EPHA3: variants seen among roughly 807,000 people sequenced by gnomAD.
The protein encoded by EPHA3 is EPH receptor A3.
A neutral mutation model predicts 107.1 loss-of-function variants in EPHA3; 42 were observed. That is an observed-to-expected ratio of 0.39 (90% confidence interval 0.31 to 0.51). EPHA3 has a LOEUF of 0.51. Among genes scored for constraint, EPHA3 ranks in the 20% least tolerant of loss-of-function variants. The pLI is 0.78. For missense variants in EPHA3, 1,183 were observed against 1,211.2 expected, an observed-to-expected ratio of 0.98 and a Z score of 0.35; for synonymous variants, 461 against 424.8, an observed-to-expected ratio of 1.09 and a Z score of -1.05.
chr3:89,219,551 G>A (rs1250926604), intron 3 of EPHA3, among the ~76,000 whole-genome samples: 2 of 151,664 alleles, frequency 1.3e-5, no homozygotes, highest in Admixed American at 1.3e-4. Flanking sequence ...CTGCCCTCAA[G>A]GAACTTAGAT....
At chr3:89,376,348 T>C (rs1251188814) in intron 5 of EPHA3, among the ~76,000 whole-genome samples, 2 of 151,712 alleles carry the variant, frequency 1.3e-5, no homozygotes, top group African/African-American at 2.4e-5. Flanking sequence ...TATAAATATA[T>C]ATATATACAC....
In EPHA3 at chr3:89,413,146, C is replaced by T. The variant is rs567496673; in HGVS notation, c.1768C>T (p.Leu590Phe). ...RLHFGNGHLKLPGLRTYVDPH... is the reference protein window; with the variant it reads ...RLHFGNGHLKFPGLRTYVDPH... ...TTCTTTCTTTCCTCAAACAGTAAAA[C>T]TTCCAGGTCTCAGGACTTATGTTGA... The change falls in exon 10 of 17, where the codon CTT becomes TTT. Residue 590 changes from leucine to phenylalanine, a missense_variant. Leu to Phe is a conservative substitution (Grantham distance 22). Coordinates refer to ENST00000336596, the MANE Select transcript of EPHA3 (RefSeq NM_005233.6). 6.3e-5 allele frequency: 102 copies of T among 1,610,854 alleles called. No individual in the cohort carries two copies. Among genetic ancestry groups the T allele is most frequent in the Middle Eastern group, 1.7e-4 (1 of 6,042 alleles).
chr3:89,358,505 G>A (rs1216725792), intron 5 of EPHA3, among the ~76,000 whole-genome samples: 3 of 151,140 alleles, frequency 2.0e-5, no homozygotes, highest in African/African-American at 4.8e-5. Context: ...TGATTAAGAT[G>A]TAGTCACTAC....
intron 10 of EPHA3, among the ~76,000 whole-genome samples, chr3:89,415,085 T>A (rs1709220753): frequency 6.6e-6 from 1 of 151,518 alleles, no homozygotes; most frequent in East Asian, 1.9e-4. Flanking sequence ...CACACCCAAT[T>A]CTAGACTGCC....
intron 2 of EPHA3, among the ~76,000 whole-genome samples, chr3:89,187,710 G>A (rs1485927733): frequency 6.6e-6 from 1 of 152,066 alleles, no homozygotes; most frequent in Non-Finnish European, 1.5e-5. Context: ...GCGAGAGTGT[G>A]TGTATGTATA....
chr3:89,226,153 C>T (rs138479005), intron 3 of EPHA3, among the ~76,000 whole-genome samples: 1 of 152,078 alleles, frequency 6.6e-6, no homozygotes, highest in Non-Finnish European at 1.5e-5. Flanking sequence ...AATCAGAGGT[C>T]CTCAGGGTTT....
intron 3 of EPHA3, among the ~76,000 whole-genome samples, chr3:89,291,013 T>C (rs1156635602): frequency 6.6e-6 from 1 of 152,154 alleles, no homozygotes; most frequent in Non-Finnish European, 1.5e-5. Context: ...TCAAATCACT[T>C]GGATGACTGG....
At chr3:89,161,518 CT>C (rs1195308947) in intron 2 of EPHA3, among the ~76,000 whole-genome samples, 1 of 151,852 alleles carries the variant, frequency 6.6e-6, no homozygotes. Flanking sequence ...CTTCCTTGTT[CT>C]TTATTTTTAT....
At chr3:89,112,356 G>A (rs1054247508) in intron 1 of EPHA3, among the ~76,000 whole-genome samples, 6 of 151,814 alleles carry the variant, frequency 4.0e-5, no homozygotes, top group East Asian at 3.9e-4. Flanking sequence ...GTAATCTCAC[G>A]TTGCTCTTAA....
intron 3 of EPHA3, among the ~76,000 whole-genome samples, chr3:89,243,438 A>G (rs1002301667): frequency 6.6e-6 from 1 of 152,100 alleles, no homozygotes; most frequent in East Asian, 1.9e-4. Context: ...CTTTTTAATG[A>G]TCGCCATTCT....
At chr3:89,235,720 C>A (rs570939125) in intron 3 of EPHA3, among the ~76,000 whole-genome samples, 200 of 151,858 alleles carry the variant, frequency 1.3e-3, no homozygotes, top group Non-Finnish European at 2.3e-3. Flanking sequence ...TTTATCATTT[C>A]TCTTTTAGGA....
chr3:89,348,464 C>A (rs1315783668), intron 5 of EPHA3, among the ~76,000 whole-genome samples: 1 of 106,358 alleles, frequency 9.4e-6, no homozygotes, highest in Non-Finnish European at 1.8e-5. Flanking sequence ...TGGTGATATC[C>A]CCTTTATCAT....
intron 2 of EPHA3, among the ~76,000 whole-genome samples, chr3:89,200,375 T>C (rs1705942146): frequency 6.6e-6 from 1 of 152,246 alleles, no homozygotes; most frequent in Non-Finnish European, 1.5e-5. Context: ...CACATGTAGA[T>C]ATTCACTGTG....
chr3:89,245,262 A>C (rs976265127), intron 3 of EPHA3, among the ~76,000 whole-genome samples: 7 of 152,214 alleles, frequency 4.6e-5, no homozygotes, highest in Admixed American at 2.6e-4. Flanking sequence ...ATATTGTTAA[A>C]TTCTAGAATT....
intron 3 of EPHA3, among the ~76,000 whole-genome samples, chr3:89,245,748 C>G (rs546819629): frequency 2.8e-4 from 43 of 152,294 alleles, no homozygotes; most frequent in Non-Finnish European, 5.6e-4. Flanking sequence ...ACCTGGCCAT[C>G]CAGCTGGCAT....
chr3:89,281,880 C>T (rs1705957374), intron 3 of EPHA3, among the ~76,000 whole-genome samples: 1 of 152,176 alleles, frequency 6.6e-6, no homozygotes, highest in South Asian at 2.1e-4. Context: ...TAATTCCAAT[C>T]ATTGTACATA....
At chr3:89,467,706 A>G (rs1236024623) in intron 15 of EPHA3, among the ~76,000 whole-genome samples, 1 of 152,248 alleles carries the variant, frequency 6.6e-6, no homozygotes, top group Non-Finnish European at 1.5e-5. Context: ...ATGCAACAGT[A>G]TAAAACCCAT....
chr3:89,392,720 G>GA (rs1559678463), intron 5 of EPHA3, among the ~76,000 whole-genome samples: 1 of 151,980 alleles, frequency 6.6e-6, no homozygotes, highest in Non-Finnish European at 1.5e-5. Flanking sequence ...TTTTTGTACA[G>GA]AAAAACACTG....
intron 3 of EPHA3, among the ~76,000 whole-genome samples, chr3:89,284,356 C>A (rs762351344): frequency 6.6e-6 from 1 of 151,974 alleles, no homozygotes; most frequent in Non-Finnish European, 1.5e-5. Flanking sequence ...GATGAGACTG[C>A]GGATAAACCA....
Sources: allele counts gnomAD v4.1 joint callset (sites outside exome capture counted in the v4.1 genomes callset), GRCh38; gene constraint gnomAD v4.1.1; transcripts MANE v1.5; gene names NCBI Gene and HGNC (gene_info 2026-07-23, HGNC 2026-07-21).